Variants in SKIC3 observed in about 807,000 individuals in gnomAD.
SKIC3 encodes the protein superkiller complex protein 3.
the SKIC3 span, among the ~76,000 whole-genome samples, chr5:95,545,280 A>G: frequency 7.2e-5 from 11 of 152,116 alleles, no homozygotes; most frequent in South Asian, 2.1e-4. Flanking sequence ...ACCTTCTTCT[A>G]TATCAAGATT....
chr5:95,524,492 T>C, the SKIC3 span: 1 of 1,613,454 alleles, frequency 6.2e-7, no homozygotes, highest in East Asian at 2.2e-5. Context: ...GAGCCTTTGT[T>C]TTATCTTTTC....
the SKIC3 span, chr5:95,464,603 A>G: frequency 6.2e-7 from 1 of 1,607,524 alleles, no homozygotes; most frequent in African/African-American, 1.3e-5. Context: ...AAAATAATCC[A>G]ATGTTATTGT....
chr5:95,516,911 C>G, the SKIC3 span: 8 of 1,584,650 alleles, frequency 5.0e-6, no homozygotes, highest in Non-Finnish European at 6.9e-6. Context: ...TTATTTATAC[C>G]ATACATGTAA....
chr5:95,506,450 C>T, the SKIC3 span, among the ~76,000 whole-genome samples: 7 of 152,112 alleles, frequency 4.6e-5, no homozygotes, highest in African/African-American at 1.7e-4. Flanking sequence ...ACAACTGGTT[C>T]TTAATCTTTC....
the SKIC3 span, chr5:95,515,028 T>C: frequency 2.7e-6 from 3 of 1,097,114 alleles, no homozygotes; most frequent in South Asian, 2.7e-5. Context: ...ATCATAAATA[T>C]GTATGAACAT....
the SKIC3 span, among the ~76,000 whole-genome samples, chr5:95,550,281 C>A: frequency 6.6e-6 from 1 of 151,774 alleles, no homozygotes; most frequent in Non-Finnish European, 1.5e-5. Context: ...ATATATGTCC[C>A]CAGTTGAGGC....
chr5:95,465,858 A>T, the SKIC3 span, among the ~76,000 whole-genome samples: 8 of 152,302 alleles, frequency 5.3e-5, no homozygotes, highest in Admixed American at 4.6e-4. Flanking sequence ...CACTATACGA[A>T]TATCTTTGAA....
At chr5:95,491,406 A>G in the SKIC3 span, among the ~76,000 whole-genome samples, 1 of 152,336 alleles carries the variant, frequency 6.6e-6, no homozygotes, top group East Asian at 1.9e-4. Flanking sequence ...GCTGTTTTAA[A>G]GACTCAGTCC....
At chr5:95,500,138 T>C in the SKIC3 span, among the ~76,000 whole-genome samples, 765 of 152,268 alleles carry the variant, frequency 5.0e-3, 3 homozygotes, top group Non-Finnish European at 8.5e-3. Context: ...ATAATAACTT[T>C]TAAAAGGCGC....
chr5:95,540,812 T>C, the SKIC3 span: 1 of 1,614,160 alleles, frequency 6.2e-7, no homozygotes, highest in Non-Finnish European at 8.5e-7. Flanking sequence ...TTTATCAACT[T>C]GTGCCATGTT....
At chr5:95,501,357 T>C in the SKIC3 span, among the ~76,000 whole-genome samples, 28 of 152,254 alleles carry the variant, frequency 1.8e-4, no homozygotes, top group East Asian at 4.8e-3. Flanking sequence ...ATTATCACAG[T>C]CTATAAAGTT....
chr5:95,478,465 G>A, the SKIC3 span: 7 of 1,613,560 alleles, frequency 4.3e-6, no homozygotes, highest in South Asian at 1.1e-5. Context: ...AAAGGAGAAG[G>A]AGGCAAAGGA....
chr5:95,511,227 C>T, the SKIC3 span, among the ~76,000 whole-genome samples: 9 of 151,902 alleles, frequency 5.9e-5, no homozygotes, highest in Non-Finnish European at 8.8e-5. Flanking sequence ...TGGCTAATAC[C>T]GTGAAACCCC....
chr5:95,527,134 C>T, the SKIC3 span, among the ~76,000 whole-genome samples: 3 of 152,260 alleles, frequency 2.0e-5, no homozygotes, highest in Non-Finnish European at 2.9e-5. Context: ...AGCTCTTGAG[C>T]CCTTTTGTAG....
the SKIC3 span, among the ~76,000 whole-genome samples, chr5:95,554,280 A>T: frequency 6.6e-6 from 1 of 152,174 alleles, no homozygotes; most frequent in African/African-American, 2.4e-5. Flanking sequence ...CTCCTCTTTT[A>T]ACTGTCAGAA....
At chr5:95,477,090 T>C in the SKIC3 span, among the ~76,000 whole-genome samples, 1 of 152,202 alleles carries the variant, frequency 6.6e-6, no homozygotes, top group Non-Finnish European at 1.5e-5. Flanking sequence ...GGGCATGTTA[T>C]AGGTACTATG....
At chr5:95,496,709 C>T in the SKIC3 span, among the ~76,000 whole-genome samples, 3 of 152,078 alleles carry the variant, frequency 2.0e-5, no homozygotes, top group Non-Finnish European at 4.4e-5. Flanking sequence ...AGAAACAAAG[C>T]CACCAAGAAT....
the SKIC3 span, chr5:95,512,334 A>G: frequency 3.4e-6 from 3 of 877,240 alleles, no homozygotes; most frequent in Admixed American, 5.1e-5. Flanking sequence ...CAAAGTAAAG[A>G]CTGCTTCGCT....
At chr5:95,527,275 C>T in the SKIC3 span, among the ~76,000 whole-genome samples, 1 of 152,034 alleles carries the variant, frequency 6.6e-6, no homozygotes, top group Admixed American at 6.6e-5. Context: ...TTTGTGAAAA[C>T]ATTATTTGAA....
Sources: gnomAD v4.1 joint callset for allele counts (sites outside exome capture counted in the v4.1 genomes callset) on GRCh38, gnomAD v4.1.1 for gene constraint, MANE v1.5 for transcripts, NCBI Gene and HGNC (gene_info 2026-07-23, HGNC 2026-07-21) for gene names.